The following NCK2 variants were observed in gnomAD, a reference collection of about 807,000 sequenced individuals.
NCK2 encodes the protein cytoplasmic protein NCK2.
Under a neutral mutation model 33.9 loss-of-function variants are expected in NCK2, and 16 were observed. That is an observed-to-expected ratio of 0.47 (90% CI 0.32 to 0.72). The LOEUF (loss-of-function observed/expected upper bound fraction) is 0.72. Among genes scored for constraint, NCK2 ranks in the 30% least tolerant of loss-of-function variants. The probability of loss-of-function intolerance (pLI) is 0.03; values close to 1 mark genes in which losing one functional copy is unlikely to be tolerated. For missense variants in NCK2, 418 were observed against 537.3 expected, an observed-to-expected ratio of 0.78 and a Z score of 2.19; for synonymous variants, 273 against 239.9, an observed-to-expected ratio of 1.14 and a Z score of -1.27.
At chr2:105,835,106 T>C (rs754318345) in intron 2 of NCK2, among the ~76,000 whole-genome samples, 9 of 152,044 alleles carry the variant, frequency 5.9e-5, no homozygotes, top group Non-Finnish European at 8.8e-5. Context: ...TTGCTGGTTT[T>C]CTTCAGTGGT....
At chr2:105,775,840 A>AT (rs1690281646) in intron 1 of NCK2, among the ~76,000 whole-genome samples, 1 of 152,248 alleles carries the variant, frequency 6.6e-6, no homozygotes, top group African/African-American at 2.4e-5. Flanking sequence ...AATCAGGCTC[A>AT]TTATTTTCTC....
chr2:105,890,166 C>T lies in NCK2; in HGVS notation c.949-2816C>T, dbSNP rs150408129. 2.5e-3 allele frequency among the ~76,000 whole-genome samples: 387 copies of T among 152,178 alleles called. 2 individuals are homozygous for T. Among genetic ancestry groups the T allele is most frequent in the African/African-American group, 9.0e-3 (374 of 41,510 alleles). The stretch of plus-strand genomic sequence containing the variant: ...ACTTTTAAAGGTTTCTGCTCAGGAG[C>T]CCACGAAATTAAAAATTACCTCTTC... On this transcript the variant is annotated intron_variant, in intron 4 of 4. Transcript: ENST00000233154.
chr2:105,835,561 C>T (rs1676398994), intron 2 of NCK2, among the ~76,000 whole-genome samples: 2 of 150,882 alleles, frequency 1.3e-5, no homozygotes, highest in South Asian at 4.2e-4. Context: ...TGTTTTCAGA[C>T]TTCTCACTTT....
intron 1 of NCK2, among the ~76,000 whole-genome samples, chr2:105,815,174 T>C (rs1253390779): frequency 6.6e-6 from 1 of 152,246 alleles, no homozygotes; most frequent in African/African-American, 2.4e-5. Context: ...AAAGATGTAT[T>C]CCCACTGTGT....
At chr2:105,778,478 G>A (rs1209544060) in intron 1 of NCK2, among the ~76,000 whole-genome samples, 1 of 152,212 alleles carries the variant, frequency 6.6e-6, no homozygotes, top group Non-Finnish European at 1.5e-5. Context: ...GTGTGCATGG[G>A]GACCAGGGAA....
intron 4 of NCK2, among the ~76,000 whole-genome samples, chr2:105,891,115 C>T (rs372008521): frequency 6.6e-6 from 1 of 152,250 alleles, no homozygotes; most frequent in South Asian, 2.1e-4. Flanking sequence ...CCCCCACACG[C>T]ACTTATACAT....
Position 105,847,988 on chromosome 2 carries a change from A to G in NCK2, c.-16-7060A>G, listed in dbSNP as rs191930537. Among the ~76,000 whole-genome samples, 33 of 152,186 alleles carry G rather than the reference A, an allele frequency of 2.2e-4. No homozygotes were observed. In the East Asian group the frequency reaches 6.2e-3, roughly 29 times the overall value. On this transcript the variant is annotated intron_variant, in intron 2 of 4. Transcript: ENST00000233154. ...TGTCATCCCAATTTTACTACCTTTG[A>G]GTGTTGGCACATCTTTCTGTTTAAG...
intron 2 of NCK2, among the ~76,000 whole-genome samples, chr2:105,854,317 A>G (rs1677176439): frequency 6.6e-6 from 1 of 152,220 alleles, no homozygotes; most frequent in South Asian, 2.1e-4. Context: ...AAGCTGCTAC[A>G]GACGTCTCTG....
intron 1 of NCK2, among the ~76,000 whole-genome samples, chr2:105,770,124 TA>T (rs76726445): frequency 0.12 from 15,147 of 126,532 alleles, 827 homozygotes; most frequent in East Asian, 0.17. Context: ...CACTAATAAG[TA>T]AAAAAAAAAA....
In NCK2 at chr2:105,755,786, G is replaced by A. The variant is rs183675126; in HGVS notation, c.-201+10648G>A. On this transcript the variant is annotated intron_variant, in intron 1 of 4. Coordinates refer to ENST00000233154, the MANE Select transcript of NCK2 (RefSeq NM_003581.5). ...TGTTTTCTTAGCTCAGAAGCCTTAC[G>A]TTGGTGATTGTCTACAGAAGAAAAT... Among the ~76,000 whole-genome samples the A allele has an allele frequency of 3.2e-3, 483 of 152,318 alleles. 4 individuals carry two copies. The highest frequency in any genetic ancestry group is 0.011 in the African/African-American group (442 of 41,558).
intron 2 of NCK2, among the ~76,000 whole-genome samples, chr2:105,826,850 A>G (rs775878065): frequency 1.1e-4 from 17 of 152,176 alleles, no homozygotes; most frequent in Non-Finnish European, 2.4e-4. Context: ...TGAAAATAAA[A>G]GGATGGAAAA....
intron 1 of NCK2, among the ~76,000 whole-genome samples, chr2:105,789,914 G>A (rs1177311766): frequency 6.6e-6 from 1 of 152,224 alleles, no homozygotes; most frequent in Non-Finnish European, 1.5e-5. Context: ...GATATGAGTG[G>A]TCGCCAACTA....
At chr2:105,800,055 G>C (rs541003172) in intron 1 of NCK2, among the ~76,000 whole-genome samples, 16 of 152,334 alleles carry the variant, frequency 1.1e-4, no homozygotes, top group African/African-American at 3.8e-4. Context: ...CATTAGATGT[G>C]TCTTTGCACC....
intron 4 of NCK2, among the ~76,000 whole-genome samples, chr2:105,891,771 T>TC (rs1291245525): frequency 1.3e-5 from 2 of 152,052 alleles, no homozygotes; most frequent in Non-Finnish European, 2.9e-5. Context: ...GGTCTCAAAG[T>TC]CCTGACCACA....
At chr2:105,749,538 A>G (rs953773763) in intron 1 of NCK2, among the ~76,000 whole-genome samples, 1 of 152,186 alleles carries the variant, frequency 6.6e-6, no homozygotes, top group African/African-American at 2.4e-5. Flanking sequence ...CAGAGCTTGA[A>G]TTTAGGTTAA....
chr2:105,781,520 G>A (rs1690496964), intron 1 of NCK2, among the ~76,000 whole-genome samples: 1 of 152,252 alleles, frequency 6.6e-6, no homozygotes, highest in Admixed American at 6.5e-5. Context: ...CTGGAAGGCA[G>A]TACAGCCTAG....
Position 105,745,093 on chromosome 2 carries a change from G to A in NCK2, c.-246G>A, listed in dbSNP as rs1689224845. On this transcript the variant is annotated 5_prime_UTR_variant, in exon 1 of 5. Coordinates refer to ENST00000233154, the MANE Select transcript of NCK2 (RefSeq NM_003581.5). Reference sequence around the variant, plus strand: ...CGGGCGCAGCGCGGCCACCGCCCCGGGACCCGCGCCGCTGCCCTCCGGCTC... The same window carrying A: ...CGGGCGCAGCGCGGCCACCGCCCCGAGACCCGCGCCGCTGCCCTCCGGCTC... 6.8e-6 allele frequency: 1 copy of A among 147,586 alleles called. No homozygotes were observed. Among genetic ancestry groups the A allele is most frequent in the African/African-American group, 2.4e-5 (1 of 40,940 alleles). The allele number at this position is 147,586 out of a possible 1,614,324, so 9.1% of individuals were successfully genotyped here. A position where few individuals can be genotyped will look rare whatever the true frequency, so the allele number is the denominator to read the frequency against.
intron 1 of NCK2, among the ~76,000 whole-genome samples, chr2:105,784,486 TAAATTC>T (rs1258290988): frequency 6.6e-6 from 1 of 152,244 alleles, no homozygotes; most frequent in Non-Finnish European, 1.5e-5. Context: ...AGGGGCATGT[TAAATTC>T]AAGATACATT....
intron 4 of NCK2, among the ~76,000 whole-genome samples, chr2:105,892,201 A>C (rs1483820354): frequency 6.6e-6 from 1 of 152,190 alleles, no homozygotes; most frequent in Non-Finnish European, 1.5e-5. Flanking sequence ...AAAAAGAATT[A>C]GAAAAATTTT....
Sources: allele counts gnomAD v4.1 joint callset (sites outside exome capture counted in the v4.1 genomes callset), GRCh38; gene constraint gnomAD v4.1.1; transcripts MANE v1.5; gene names NCBI Gene and HGNC (gene_info 2026-07-23, HGNC 2026-07-21).